VWDE: variants seen among roughly 807,000 people sequenced by gnomAD.
VWDE encodes von Willebrand factor D and EGF domain-containing protein.
VWDE carries 207 observed loss-of-function variants against 178.4 expected under a neutral mutation model. The observed-to-expected ratio is 1.16, with a 90% CI of 1.04 to 1.30. The LOEUF is 1.30. VWDE is among the 50% of genes most tolerant of loss of function. The pLI is 0.00. For missense variants in VWDE, 2,287 were observed against 1,901.3 expected, an observed-to-expected ratio of 1.20 and a Z score of -3.77; for synonymous variants, 738 against 651.4, an observed-to-expected ratio of 1.13 and a Z score of -2.02.
rs151033996 is a variant in VWDE, at chr7:12,393,952, C to G, written c.59-174G>C. Reference sequence around the variant, plus strand: ...AGTAAGTCATAAATGACTTAACTAACTTGCATGTTTCATAAATGCGATAAA... The same window carrying G: ...AGTAAGTCATAAATGACTTAACTAAGTTGCATGTTTCATAAATGCGATAAA... On this transcript the variant is annotated intron_variant, in intron 1 of 28. Transcript: ENST00000275358. 2.5e-3 allele frequency among the ~76,000 whole-genome samples: 382 copies of G among 152,302 alleles called. 2 individuals carry two copies. The highest frequency in any genetic ancestry group is 8.7e-3 in the African/African-American group (362 of 41,562).
In VWDE at chr7:12,343,190, G is replaced by T; in HGVS notation, c.4079-12C>A. 2 of 1,536,864 alleles carry T rather than the reference G, an allele frequency of 1.3e-6. No individual in the cohort carries two copies. The highest frequency in any genetic ancestry group is 1.2e-5 in the South Asian group (1 of 83,244). Reference sequence around the variant, plus strand: ...TGGGTTACAATGTTCTGCAGAAACAGATTATGTTATTATGTCAGTTCTTAA... The same window carrying T: ...TGGGTTACAATGTTCTGCAGAAACATATTATGTTATTATGTCAGTTCTTAA... On this transcript the variant is annotated splice_polypyrimidine_tract_variant and intron_variant, in intron 21 of 28. Coordinates refer to ENST00000275358, the MANE Select transcript of VWDE (RefSeq NM_001135924.3).
rs1203494573 is a variant in VWDE, at chr7:12,361,184, A to C, written c.3122T>G (p.Val1041Gly). The change falls in exon 15 of 29, where the codon GTT (valine) becomes GGT (glycine). Residue 1041 changes from valine (V) to glycine (G), a missense_variant. Transcript: ENST00000275358. ...TGAGTCATTTTTATAGAGACCACAA[A>C]CTTGGCAAGCACCATCATATATGAC... ...ITVIYDGACQ[V>G]CGLYKNDSCT... 3.9e-6 allele frequency: 6 copies of C among 1,546,782 alleles called. No homozygotes were observed. The highest frequency in any genetic ancestry group is 5.2e-6 in the Non-Finnish European group (6 of 1,143,124).
intron 1 of VWDE, among the ~76,000 whole-genome samples, chr7:12,397,533 C>G (rs1784686974): frequency 6.6e-6 from 1 of 152,064 alleles, no homozygotes; most frequent in African/African-American, 2.4e-5. Context: ...TGACTAAGTT[C>G]TCAAAAGCAG....
At position 12,337,075 on chromosome 7, in the gene VWDE, C is replaced by G. The variant is rs1781078143; in HGVS notation, c.4471G>C (p.Asp1491His). Residue 1491 changes from aspartate to histidine, a missense_variant, in exon 26 of 29, where the codon GAT becomes CAT. Coordinates refer to ENST00000275358, the MANE Select transcript of VWDE (RefSeq NM_001135924.3). ...TTTCCTCCATTCATGCACGTAGGATCACAGATGCCTTAAGGTAAAAGCATG... is the reference window on the plus strand; with the variant it reads ...TTTCCTCCATTCATGCACGTAGGATGACAGATGCCTTAAGGTAAAAGCATG... ...TGRRFQKSICDPTCMNGGKCV... is the reference protein window; with the variant it reads ...TGRRFQKSICHPTCMNGGKCV... 1 of 1,551,458 alleles carries G rather than the reference C, an allele frequency of 6.4e-7. No homozygotes were observed. Among genetic ancestry groups the G allele is most frequent in the Admixed American group, 2.0e-5 (1 of 50,972 alleles).
chr7:12,368,043 C>T (rs1338354515), intron 12 of VWDE, among the ~76,000 whole-genome samples: 2 of 151,610 alleles, frequency 1.3e-5, no homozygotes, highest in South Asian at 2.1e-4. Context: ...TAGAAAATCA[C>T]GTGTATTCAG....
intron 19 of VWDE, among the ~76,000 whole-genome samples, chr7:12,349,035 A>G (rs1781774267): frequency 6.6e-6 from 1 of 152,086 alleles, no homozygotes; most frequent in Admixed American, 6.6e-5. Flanking sequence ...ATGAGAACAC[A>G]TGGACACAAG....
chr7:12,352,177 A>T (rs1351440241), intron 18 of VWDE, among the ~76,000 whole-genome samples: 1 of 152,204 alleles, frequency 6.6e-6, no homozygotes. Context: ...TCTGTTGTTT[A>T]TGCCCCTCAA....
chr7:12,376,126 TG>T (rs149006380), intron 7 of VWDE, among the ~76,000 whole-genome samples: 1,570 of 152,174 alleles, frequency 0.01, 27 homozygotes, highest in African/African-American at 0.035. Flanking sequence ...ACTTTTCCCA[TG>T]CACATAAAAA....
chr7:12,340,422 T>C lies in VWDE; in HGVS notation c.4271-5A>G, dbSNP rs1781266066. The C allele has an allele frequency of 3.9e-6, 6 of 1,545,902 alleles. No homozygotes were observed. Among genetic ancestry groups the C allele is most frequent in the East Asian group, 2.4e-5 (1 of 40,870 alleles). On this transcript the variant is annotated splice_region_variant and splice_polypyrimidine_tract_variant and intron_variant, in intron 23 of 28. Transcript: ENST00000275358. ...GGCAGACAGGGTCGCACAAAGCTAA[T>C]AAACAGCAGGAGGAAAAGAGAACAT...
At chr7:12,331,865 C>G (rs78617014) in intron 28 of VWDE, among the ~76,000 whole-genome samples, 2,838 of 152,190 alleles carry the variant, frequency 0.019, 83 homozygotes, top group African/African-American at 0.064. Context: ...CTCTTTAGCA[C>G]CTTTTTCTTC....
At chr7:12,362,216 A>T (rs1174224872) in intron 13 of VWDE, among the ~76,000 whole-genome samples, 4 of 76,952 alleles carry the variant, frequency 5.2e-5, no homozygotes, top group African/African-American at 2.5e-4. Flanking sequence ...AATTGAGACA[A>T]ACATACACAC....
intron 16 of VWDE, among the ~76,000 whole-genome samples, chr7:12,358,394 G>GGC (rs1562482365): frequency 6.6e-6 from 1 of 151,402 alleles, no homozygotes; most frequent in African/African-American, 2.4e-5. Context: ...AGGTGGGGGG[G>GGC]GCTATTTTAG....
At chr7:12,397,219 G>C (rs62448593) in intron 1 of VWDE, among the ~76,000 whole-genome samples, 15,494 of 152,036 alleles carry the variant, frequency 0.1, 1,054 homozygotes, top group Non-Finnish European at 0.14. Flanking sequence ...TTCAAAAACA[G>C]ACACACAGAC....
intron 10 of VWDE, among the ~76,000 whole-genome samples, chr7:12,372,107 GGT>G (rs923837123): frequency 2.0e-4 from 31 of 151,910 alleles, no homozygotes; most frequent in African/African-American, 7.2e-4. Context: ...CTGCTAACGA[GGT>G]TAAAGTTTTC....
At chr7:12,381,378 G>C (rs139463873) in intron 4 of VWDE, among the ~76,000 whole-genome samples, 72 of 152,100 alleles carry the variant, frequency 4.7e-4, no homozygotes, top group African/African-American at 1.7e-3. Flanking sequence ...TTTTTGTTTA[G>C]TTTTGTTCTG....
In VWDE at chr7:12,344,254, C is replaced by T; in HGVS notation, c.4019G>A (p.Cys1340Tyr). The change falls in exon 21 of 29, where the codon TGT becomes TAT. Residue 1340 changes from cysteine (C) to tyrosine (Y), a missense_variant. By Grantham distance (194) the Cys-to-Tyr change is radical. Coordinates refer to ENST00000275358, the MANE Select transcript of VWDE (RefSeq NM_001135924.3). ...CDPDCKNHGK[C>Y]IKPNICQCLP... ...ACACTGACAAATGTTAGGCTTAATA[C>T]ATTTTCCATGGTTTTTGCAATCAGG... is the stretch of plus-strand genomic sequence containing the variant. 31 of 1,551,186 alleles carry T rather than the reference C, an allele frequency of 2.0e-5. No individual in the cohort carries two copies. The highest frequency in any genetic ancestry group is 2.7e-5 in the Non-Finnish European group (31 of 1,146,618).
At chr7:12,382,529 A>C (rs1333462214) in intron 4 of VWDE, among the ~76,000 whole-genome samples, 4 of 151,920 alleles carry the variant, frequency 2.6e-5, no homozygotes, top group African/African-American at 9.7e-5. Context: ...AATTTTGAGG[A>C]TTATTATAAA....
chr7:12,388,524 C>T (rs564034222), intron 3 of VWDE, among the ~76,000 whole-genome samples: 3 of 152,212 alleles, frequency 2.0e-5, no homozygotes, highest in East Asian at 1.9e-4. Context: ...AAAGACGCTT[C>T]GTTTCCTTGC....
chr7:12,359,604 G>C lies in VWDE; in HGVS notation c.3248C>G (p.Ser1083Ter), dbSNP rs1443489994. The change falls in exon 16 of 29, where the codon TCA (serine) becomes TGA (stop). Residue 1083 changes from serine to a stop codon, truncating the protein, a stop_gained. Coordinates refer to ENST00000275358, the MANE Select transcript of VWDE (RefSeq NM_001135924.3). LOFTEE classifies it high-confidence loss of function. The part of the protein sequence containing the change: ...SPCLICRPKI[S>*]RFTWSFLENN... ...TTCTAAAAATGACCAAGTAAATCTT[G>C]AAATTTTGGGTCTACAAATCAAACA... 6.5e-7 allele frequency: 1 copy of C among 1,549,810 alleles called. No individual in the cohort carries two copies. Among genetic ancestry groups the C allele is most frequent in the Non-Finnish European group, 8.7e-7 (1 of 1,145,846 alleles).
Sources: gnomAD v4.1 joint callset for allele counts (sites outside exome capture counted in the v4.1 genomes callset) on GRCh38, gnomAD v4.1.1 for gene constraint, MANE v1.5 for transcripts, NCBI Gene and HGNC (gene_info 2026-07-23, HGNC 2026-07-21) for gene names.